The following RERE variants were observed in gnomAD, a reference collection of about 807,000 sequenced individuals.
RERE encodes the protein arginine-glutamic acid dipeptide repeats.
A neutral mutation model predicts 146.1 loss-of-function variants in RERE; 40 were observed. The observed-to-expected ratio is 0.27, with a 90% CI of 0.21 to 0.36. The LOEUF is 0.36. RERE is among the 10% of genes least tolerant of loss of function. The pLI is 1.00. For synonymous variants in RERE, 1,003 were observed against 866.0 expected, an observed-to-expected ratio of 1.16 and a Z score of -2.78; for missense variants, 1,933 against 2,138.7, an observed-to-expected ratio of 0.90 and a Z score of 1.90.
At chr1:8,534,802 A>C (rs1356372302) in intron 7 of RERE, among the ~76,000 whole-genome samples, 1 of 152,254 alleles carries the variant, frequency 6.6e-6, no homozygotes, top group Non-Finnish European at 1.5e-5. Context: ...CCTGGCAGAC[A>C]TCACGTCCAG....
chr1:8,431,822 T>C (rs574444339), intron 11 of RERE, among the ~76,000 whole-genome samples: 1 of 152,316 alleles, frequency 6.6e-6, no homozygotes, highest in East Asian at 1.9e-4. Context: ...CCAAGCCAGC[T>C]TGCCCTCTCT....
At chr1:8,743,932 A>G (rs898605319) in intron 1 of RERE, among the ~76,000 whole-genome samples, 10 of 152,134 alleles carry the variant, frequency 6.6e-5, no homozygotes, top group African/African-American at 2.4e-4. Context: ...TCCCACTAGA[A>G]TATTTTCTCC....
chr1:8,621,095 G>C lies in RERE; in HGVS notation c.396+3215C>G, dbSNP rs570128116. On this transcript the variant is annotated intron_variant, in intron 3 of 22. Transcript: ENST00000400908. ...GAATATTAATAAAGCAGAAGCCATG[G>C]ATCTTATCCCCATAGGCAAGATAAC... Among the ~76,000 whole-genome samples the C allele has an allele frequency of 1.5e-3, 233 of 152,092 alleles. 1 individual carries two copies. Among genetic ancestry groups the C allele is most frequent in the Non-Finnish European group, 2.5e-3 (168 of 67,994 alleles).
chr1:8,755,413 C>G (rs1640621821), intron 1 of RERE, among the ~76,000 whole-genome samples: 1 of 152,088 alleles, frequency 6.6e-6, no homozygotes, highest in Non-Finnish European at 1.5e-5. Context: ...CTTAGCAGTC[C>G]TGTATTTTAG....
At chr1:8,460,718 G>A (rs1380746287) in intron 11 of RERE, among the ~76,000 whole-genome samples, 1 of 152,192 alleles carries the variant, frequency 6.6e-6, no homozygotes, top group East Asian at 1.9e-4. Flanking sequence ...TAGTAACATG[G>A]TAAGCAACAG....
intron 12 of RERE, among the ~76,000 whole-genome samples, chr1:8,420,524 G>T (rs892137722): frequency 1.3e-5 from 2 of 152,160 alleles, no homozygotes; most frequent in African/African-American, 4.8e-5. Flanking sequence ...GAGAAAATAA[G>T]AAAACACAAG....
chr1:8,393,177 C>T (rs1642943195), intron 12 of RERE, among the ~76,000 whole-genome samples: 1 of 152,220 alleles, frequency 6.6e-6, no homozygotes, highest in African/African-American at 2.4e-5. Context: ...CTGTCCTACA[C>T]TTTATAGTAC....
At chr1:8,804,503 G>C (rs1345335146) in intron 1 of RERE, among the ~76,000 whole-genome samples, 1 of 152,194 alleles carries the variant, frequency 6.6e-6, no homozygotes, top group Non-Finnish European at 1.5e-5. Flanking sequence ...CCTTCCTCCA[G>C]AGTAAGAGAA....
chr1:8,774,097 G>A (rs1000504059), intron 1 of RERE, among the ~76,000 whole-genome samples: 7 of 151,924 alleles, frequency 4.6e-5, no homozygotes, highest in Admixed American at 1.3e-4. Context: ...CTCTCTCCAC[G>A]AATCCACACA....
intron 10 of RERE, among the ~76,000 whole-genome samples, chr1:8,480,120 C>CT (rs35022247): frequency 8.3e-6 from 1 of 119,832 alleles, no homozygotes; most frequent in Non-Finnish European, 1.6e-5. Flanking sequence ...TTATTAAAGC[C>CT]TTTTTTTGTT....
At chr1:8,392,480 C>A (rs187558928) in intron 12 of RERE, among the ~76,000 whole-genome samples, 1 of 152,248 alleles carries the variant, frequency 6.6e-6, no homozygotes, top group African/African-American at 2.4e-5. Context: ...TTTTCCTCTC[C>A]CCTGGGTCTC....
chr1:8,704,044 A>T (rs142313297), intron 1 of RERE, among the ~76,000 whole-genome samples: 1 of 152,346 alleles, frequency 6.6e-6, no homozygotes, highest in East Asian at 1.9e-4. Context: ...AAGCAAAATA[A>T]GTGCACATTC....
intron 1 of RERE, among the ~76,000 whole-genome samples, chr1:8,695,139 T>C (rs1639299387): frequency 6.6e-6 from 1 of 152,130 alleles, no homozygotes; most frequent in Admixed American, 6.5e-5. Flanking sequence ...CCATCTGATC[T>C]TTGACAATGC....
chr1:8,374,029 C>T (rs1400745207), intron 12 of RERE, among the ~76,000 whole-genome samples: 1 of 152,222 alleles, frequency 6.6e-6, no homozygotes, highest in Non-Finnish European at 1.5e-5. Context: ...CCTCTGTGGT[C>T]TCTGAGTGCA....
At chr1:8,719,620 T>C (rs1382529261) in intron 1 of RERE, among the ~76,000 whole-genome samples, 1 of 152,202 alleles carries the variant, frequency 6.6e-6, no homozygotes, top group Non-Finnish European at 1.5e-5. Flanking sequence ...CATAGATGTC[T>C]ATCAAAGACA....
chr1:8,653,474 G>A (rs1222351352), intron 2 of RERE, among the ~76,000 whole-genome samples: 3 of 152,230 alleles, frequency 2.0e-5, no homozygotes, highest in Middle Eastern at 3.4e-3. Flanking sequence ...TTGGGAGGCC[G>A]AGGCGGGTAG....
chr1:8,442,415 A>G (rs887535194), intron 11 of RERE, among the ~76,000 whole-genome samples: 4 of 150,936 alleles, frequency 2.7e-5, no homozygotes, highest in African/African-American at 9.8e-5. Flanking sequence ...AGCTTATTTT[A>G]AAAATAGATG....
rs1460848858 is a variant in RERE at position 8,720,889 on chromosome 1, C to T, written c.-144-64448G>A. 4.6e-5 allele frequency among the ~76,000 whole-genome samples: 7 copies of T among 152,106 alleles called. No homozygotes were observed. The East Asian group carries it at 1.3e-3, about 29-fold the overall frequency. Reference sequence around the variant, plus strand: ...TGACCAACACGGTGCAACCCCGTCTCTACTAAAATTACAAAAATTAGCCAG... The same window carrying T: ...TGACCAACACGGTGCAACCCCGTCTTTACTAAAATTACAAAAATTAGCCAG... On this transcript the variant is annotated intron_variant, in intron 1 of 22. Transcript: ENST00000400908.
chr1:8,522,035 T>C (rs918388006), intron 7 of RERE, among the ~76,000 whole-genome samples: 3 of 152,258 alleles, frequency 2.0e-5, no homozygotes, highest in African/African-American at 7.2e-5. Context: ...TCATAGAGTA[T>C]ACAATATGAG....
Sources: gnomAD v4.1 joint callset for allele counts (sites outside exome capture counted in the v4.1 genomes callset) on GRCh38, gnomAD v4.1.1 for gene constraint, MANE v1.5 for transcripts, NCBI Gene and HGNC (gene_info 2026-07-23, HGNC 2026-07-21) for gene names.